Variants in MGAT5 observed in about 807,000 individuals in gnomAD.
MGAT5 encodes the protein alpha-1,6-mannosylglycoprotein 6-beta-N-acetylglucosaminyltransferase.
Under a neutral mutation model 94.3 loss-of-function variants are expected in MGAT5, and 30 were observed. The ratio of observed to expected loss-of-function variants is 0.32; its 90% confidence interval spans 0.24 to 0.43. The LOEUF is 0.43. Among genes scored for constraint, MGAT5 ranks in the 20% least tolerant of loss-of-function variants. MGAT5 has a pLI of 1.00. For synonymous variants in MGAT5, 310 were observed against 322.9 expected (o/e 0.96, Z 0.43); for missense variants, 691 against 905.5 (o/e 0.76, Z 3.04).
intron 1 of MGAT5, among the ~76,000 whole-genome samples, chr2:134,149,649 C>T (rs1289350505): frequency 6.6e-6 from 1 of 152,254 alleles, no homozygotes; most frequent in Non-Finnish European, 1.5e-5. Flanking sequence ...TGCATTTCAT[C>T]TCAATTGCGA....
chr2:134,445,337 C>G (rs1439207471), intron 15 of MGAT5, among the ~76,000 whole-genome samples: 1 of 152,082 alleles, frequency 6.6e-6, no homozygotes, highest in African/African-American at 2.4e-5. Flanking sequence ...CTGCTGCACT[C>G]AGAGCAGCCC....
rs1160730084 is a variant in MGAT5 at position 134,441,848 on chromosome 2, C to G, written c.1960C>G (p.Gln654Glu). 3 of 1,613,934 alleles carry G rather than the reference C, an allele frequency of 1.9e-6. No individual in the cohort carries two copies. Among genetic ancestry groups the G allele is most frequent in the Non-Finnish European group, 2.5e-6 (3 of 1,179,976 alleles). ...EPGQSCKQVCQESQLICEPSF... is the reference protein window; with the variant it reads ...EPGQSCKQVCEESQLICEPSF... ...CGGGCAGTCCTGCAAGCAGGTGTGC[C>G]AGGAGAGCCAGCTCATCTGCGAGCC... Residue 654 changes from glutamine to glutamate, a missense_variant, in exon 15 of 16, where the codon CAG (glutamine) becomes GAG (glutamate). By Grantham distance (29) the Gln-to-Glu change is conservative (BLOSUM62 2). Transcript: ENST00000281923.
intron 1 of MGAT5, among the ~76,000 whole-genome samples, chr2:134,133,797 G>A (rs1050504709): frequency 2.6e-5 from 4 of 152,148 alleles, no homozygotes; most frequent in African/African-American, 9.7e-5. Flanking sequence ...TTGATTGGTC[G>A]AAAAATGCAG....
At chr2:134,391,992 C>A (rs564013227) in intron 10 of MGAT5, among the ~76,000 whole-genome samples, 1 of 152,262 alleles carries the variant, frequency 6.6e-6, no homozygotes, top group South Asian at 2.1e-4. Flanking sequence ...GTCCTTCTCC[C>A]TTTTTCTTAT....
chr2:134,371,544 C>T (rs1488354344), intron 10 of MGAT5, among the ~76,000 whole-genome samples: 1 of 152,186 alleles, frequency 6.6e-6, no homozygotes, highest in Non-Finnish European at 1.5e-5. Flanking sequence ...AGATATGGGC[C>T]GCTGTGGCTT....
chr2:134,264,020 T>TA (rs1558742858), intron 1 of MGAT5, among the ~76,000 whole-genome samples: 4 of 125,824 alleles, frequency 3.2e-5, no homozygotes, highest in African/African-American at 1.2e-4. Flanking sequence ...CCATTAGGTT[T>TA]TTTTTTTTTT....
intron 2 of MGAT5, among the ~76,000 whole-genome samples, chr2:134,312,802 A>G (rs888175008): frequency 6.6e-6 from 1 of 152,088 alleles, no homozygotes; most frequent in African/African-American, 2.4e-5. Context: ...AGTGCTGAGG[A>G]TTTTAAAGGC....
chr2:134,301,068 A>G (rs562830936), intron 2 of MGAT5, among the ~76,000 whole-genome samples: 5 of 152,254 alleles, frequency 3.3e-5, no homozygotes, highest in Admixed American at 2.0e-4. Context: ...TTCAATCACC[A>G]TAGGTTAATT....
intron 11 of MGAT5, among the ~76,000 whole-genome samples, chr2:134,410,800 C>T (rs1574042069): frequency 6.6e-6 from 1 of 152,156 alleles, no homozygotes; most frequent in South Asian, 2.1e-4. Context: ...TCATGGCAGG[C>T]CCTGATTTTC....
intron 1 of MGAT5, among the ~76,000 whole-genome samples, chr2:134,191,096 C>T (rs913421428): frequency 6.6e-6 from 1 of 152,216 alleles, no homozygotes; most frequent in Non-Finnish European, 1.5e-5. Context: ...TCCCTGGCAC[C>T]GTCTGTTCTT....
At chr2:134,141,919 T>G (rs185258870) in intron 1 of MGAT5, among the ~76,000 whole-genome samples, 53 of 152,300 alleles carry the variant, frequency 3.5e-4, no homozygotes, top group African/African-American at 1.3e-3. Flanking sequence ...GGTGCATGGC[T>G]TGGGCAGATT....
intron 12 of MGAT5, among the ~76,000 whole-genome samples, chr2:134,421,600 A>T (rs1574066276): frequency 1.3e-5 from 2 of 152,130 alleles, no homozygotes; most frequent in East Asian, 1.9e-4. Flanking sequence ...AAAAAATAAA[A>T]AACTAGATTC....
At chr2:134,200,363 A>T (rs1000628640) in intron 1 of MGAT5, among the ~76,000 whole-genome samples, 1 of 151,876 alleles carries the variant, frequency 6.6e-6, no homozygotes, top group African/African-American at 2.4e-5. Flanking sequence ...CTTCCTTTGT[A>T]GATTCTTCTG....
chr2:134,287,403 GTTTTTC>G (rs1238534753), intron 2 of MGAT5, among the ~76,000 whole-genome samples: 18 of 152,118 alleles, frequency 1.2e-4, no homozygotes, highest in African/African-American at 4.3e-4. Flanking sequence ...TCATCTGAGA[GTTTTTC>G]TTTTTCAGTT....
intron 1 of MGAT5, chr2:134,231,097 T>C (rs1055518972): frequency 6.6e-6 from 1 of 152,178 alleles, no homozygotes; most frequent in Non-Finnish European, 1.5e-5. Flanking sequence ...GTAGAATGAG[T>C]GCTTGCTTAG....
chr2:134,189,604 T>TTTTTTTTTTTTTTTTG (rs1689248508), intron 1 of MGAT5, among the ~76,000 whole-genome samples: 1 of 105,812 alleles, frequency 9.5e-6, no homozygotes, highest in Non-Finnish European at 1.9e-5. Context: ...TTTTTTTTGT[T>TTTTTTTTTTTTTTTTG]TTTTTTTTTT....
intron 1 of MGAT5, among the ~76,000 whole-genome samples, chr2:134,129,812 C>T (rs1299229004): frequency 6.6e-6 from 1 of 152,198 alleles, no homozygotes; most frequent in African/African-American, 2.4e-5. Flanking sequence ...GCTCTCAGCA[C>T]CTCCTCGGCC....
intron 1 of MGAT5, among the ~76,000 whole-genome samples, chr2:134,217,737 A>G (rs1267493782): frequency 6.6e-6 from 1 of 152,234 alleles, no homozygotes; most frequent in Non-Finnish European, 1.5e-5. Flanking sequence ...TACAGTTAGA[A>G]AAAATAAGAC....
chr2:134,344,177 T>C (rs1331725007), intron 7 of MGAT5, among the ~76,000 whole-genome samples: 1 of 152,186 alleles, frequency 6.6e-6, no homozygotes, highest in Non-Finnish European at 1.5e-5. Context: ...GACTCGTTCC[T>C]ACACATGAAG....
Sources: allele counts gnomAD v4.1 joint callset (sites outside exome capture counted in the v4.1 genomes callset), GRCh38; gene constraint gnomAD v4.1.1; transcripts MANE v1.5; gene names NCBI Gene and HGNC (gene_info 2026-07-23, HGNC 2026-07-21).